Variants in ADAMTS10 observed in about 807,000 individuals in gnomAD.
ADAMTS10 encodes ADAM metallopeptidase with thrombospondin type 1 motif 10.
Under a neutral mutation model 135.9 loss-of-function variants are expected in ADAMTS10, and 48 were observed. The ratio of observed to expected loss-of-function variants is 0.35; its 90% CI spans 0.28 to 0.45. The LOEUF (loss-of-function observed/expected upper bound fraction) is 0.45, where lower values mean the gene tolerates loss of function less well. ADAMTS10 is among the 20% of genes least tolerant of loss of function. ADAMTS10 has a pLI of 1.00. For missense variants in ADAMTS10, 1,131 were observed against 1,565.2 expected (o/e 0.72, Z 4.68); for synonymous variants, 621 against 647.5 (o/e 0.96, Z 0.62).
chr19:8,583,470 G>A (rs2042380828), intron 25 of ADAMTS10, among the ~76,000 whole-genome samples: 1 of 152,056 alleles, frequency 6.6e-6, no homozygotes, highest in Non-Finnish European at 1.5e-5. Flanking sequence ...GTACCCAGGA[G>A]GTGGAGGTTG....
At chr19:8,592,640 T>G (rs1342841743) in intron 13 of ADAMTS10, 123 bp downstream of exon 13, 3 of 1,000,100 alleles carry the variant, frequency 3.0e-6, no homozygotes, top group Non-Finnish European at 4.5e-6. Flanking sequence ...GGAGCACAAA[T>G]GGCGGGCGTG....
intron 4 of ADAMTS10, 94 bp downstream of exon 4, chr19:8,604,918 C>T: frequency 7.4e-7 from 1 of 1,354,876 alleles, no homozygotes; most frequent in African/African-American, 1.5e-5. Context: ...AAACATCCCA[C>T]TATCATTCCT....
chr19:8,597,209 G>A (rs782277006), intron 7 of ADAMTS10, 25 bp downstream of exon 7: 6 of 1,614,026 alleles, frequency 3.7e-6, no homozygotes, highest in Middle Eastern at 1.6e-4. Flanking sequence ...GAAGGGGAAG[G>A]GGAAGGGGAG....
rs868925036 is a variant in ADAMTS10, at chr19:8,596,567, G to A, written c.1059C>T (p.Tyr353=). The change falls in exon 9 of 26, where the codon TAC becomes TAT. Residue 353 remains tyrosine, a synonymous_variant. Transcript: ENST00000597188. This position sits in a 1 kb window ranked among gnomAD's most constrained non-coding sequence, Gnocchi z 7.2. ...VLITRYDICI[Y]KNKPCGTLGL... ...CTAGTGTGCCGCAGGGTTTGTTCTT[G>A]TAGATGCAGATGTCATAGCTGTAAA... 2 of 1,613,600 alleles carry A rather than the reference G, an allele frequency of 1.2e-6. No individual in the cohort carries two copies. The highest frequency in any genetic ancestry group is 1.8e-4 in the Middle Eastern group (1 of 5,650).
Position 8,601,362 on chromosome 19 carries a change from CTTTTTTTT to C in ADAMTS10, c.593-225_593-218del, listed in dbSNP as rs373213602. Among the ~76,000 whole-genome samples the C allele has an allele frequency of 7.3e-6, 1 of 136,882 alleles. No homozygotes were observed. The highest frequency in any genetic ancestry group is 7.3e-5 in the Admixed American group (1 of 13,668). 89.8% of individuals were successfully genotyped at this position (136,882 alleles called of 152,430 possible). A position where few individuals can be genotyped will look rare whatever the true frequency, so the allele number is the denominator to read the frequency against. On this transcript the variant is annotated intron_variant, in intron 5 of 25. Transcript: ENST00000597188. The surrounding 1 kb of genome is among the most constrained non-coding windows in gnomAD (Gnocchi z 4.6). ...CAAACACCTCATCGTTTTTCTTATT[CTTTTTTTT>C]TTTTTTTTTGAGACGGAGTATCATT... is the stretch of plus-strand genomic sequence containing the variant.
chr19:8,584,222 G>A (rs1428567914), intron 25 of ADAMTS10, among the ~76,000 whole-genome samples: 5 of 150,598 alleles, frequency 3.3e-5, no homozygotes, highest in Non-Finnish European at 7.4e-5. Context: ...AAAAAAATGT[G>A]TATACTTAAA....
chr19:8,597,104 C>T lies in ADAMTS10; in HGVS notation c.923G>A (p.Gly308Glu). 6.2e-7 allele frequency: 1 copy of T among 1,614,132 alleles called. No homozygotes were observed. The highest frequency in any genetic ancestry group is 8.5e-7 in the Non-Finnish European group (1 of 1,180,042). The change falls in exon 8 of 26, where the codon GGG becomes GAG. Residue 308 changes from glycine (G) to glutamate (E), a missense_variant. Gly to Glu is a moderately conservative substitution (Grantham distance 98). Coordinates refer to ENST00000597188, the MANE Select transcript of ADAMTS10 (RefSeq NM_030957.4). Reference protein sequence around the residue: ...QPTLEITHHAGKSLDSFCKWQ... With the variant: ...QPTLEITHHAEKSLDSFCKWQ... ...CTTACAGAAGCTGTCCAGGGACTTC[C>T]CGGCATGGTGGGTGATCTCCAGAGT...
In ADAMTS10 at chr19:8,580,478, C is replaced by T. The variant is rs976516806; in HGVS notation, c.*415G>A. 4 of 168,996 alleles carry T rather than the reference C, an allele frequency of 2.4e-5. No homozygotes were observed. The highest frequency in any genetic ancestry group is 1.2e-4 in the South Asian group (1 of 8,656). 10.5% of individuals were successfully genotyped at this position (168,996 alleles called of 1,614,324 possible). On this transcript the variant is annotated 3_prime_UTR_variant, in exon 26 of 26. Transcript: ENST00000597188. ...AGCAGACACAGATTCCCCCCCAGCT[C>T]GGAGTGGAGGGGTAGGGCAGTGCTG... is the stretch of plus-strand genomic sequence containing the variant.
At chr19:8,599,541 G>A (rs2042640475) in intron 6 of ADAMTS10, among the ~76,000 whole-genome samples, 1 of 152,012 alleles carries the variant, frequency 6.6e-6, no homozygotes, top group African/African-American at 2.4e-5. Context: ...ATGTTAGCCA[G>A]GCTGGTCTTG....
chr19:8,605,913 C>T lies in ADAMTS10; in HGVS notation c.-99-104G>A. On this transcript the variant is annotated intron_variant, in intron 2 of 25. Transcript: ENST00000597188. The surrounding 1 kb of genome is among the most constrained non-coding windows in gnomAD (Gnocchi z 7.7). ...AGCTTTTCACCTGACTCTGAAGATT[C>T]TGAATGCATTTTCTCACTCAGTCAC... 8.8e-7 allele frequency: 1 copy of T among 1,137,834 alleles called. No individual in the cohort carries two copies. Among genetic ancestry groups the T allele is most frequent in the Non-Finnish European group, 1.2e-6 (1 of 828,982 alleles). 70.5% of individuals were successfully genotyped at this position (1,137,834 alleles called of 1,614,324 possible).
Position 8,605,241 on chromosome 19 carries a change from C to T in ADAMTS10, c.206G>A (p.Gly69Glu). 6.2e-7 allele frequency: 1 copy of T among 1,613,356 alleles called. No individual in the cohort carries two copies. ...GAAGAGGCGGGACTCGGCTGTGGCC[C>T]CCGTGCCGCGGCGCTGCCTCCGGGG... The part of the protein sequence containing the change: ...PPPRRQRRGT[G>E]ATAESRLFYK... The change falls in exon 4 of 26, where the codon GGG (glycine) becomes GAG (glutamate). Residue 69 changes from glycine (G) to glutamate (E), a missense_variant. Physicochemically the swap from Gly to Glu is moderately conservative, Grantham distance 98. This residue lies in a region of ADAMTS10 where 306 missense variants were observed against 344.4 expected (regional missense o/e 0.89). Transcript: ENST00000597188. This position sits in a 1 kb window ranked among gnomAD's most constrained non-coding sequence, Gnocchi z 7.7.
At position 8,580,878 on chromosome 19, in the gene ADAMTS10, G is replaced by A; in HGVS notation, c.*15C>T. On this transcript the variant is annotated 3_prime_UTR_variant, in exon 26 of 26. Coordinates refer to ENST00000597188, the MANE Select transcript of ADAMTS10 (RefSeq NM_030957.4). ...GGAGACCCCGCCAGCTGTGGCTCCGGGTGCCGCGCGCCCCCTAGTGGCCAT... is the reference window on the plus strand; with the variant it reads ...GGAGACCCCGCCAGCTGTGGCTCCGAGTGCCGCGCGCCCCCTAGTGGCCAT... 1 of 1,586,196 alleles carries A rather than the reference G, an allele frequency of 6.3e-7. No homozygotes were observed. Among genetic ancestry groups the A allele is most frequent in the Non-Finnish European group, 8.6e-7 (1 of 1,164,936 alleles).
intron 12 of ADAMTS10, among the ~76,000 whole-genome samples, chr19:8,594,691 G>A (rs1003365331): frequency 3.3e-5 from 5 of 152,140 alleles, no homozygotes; most frequent in East Asian, 1.9e-4. Context: ...CCTCTGTAAC[G>A]TGGGGGCTAG....
chr19:8,602,114 A>G (rs2042674744), intron 5 of ADAMTS10, among the ~76,000 whole-genome samples: 1 of 152,156 alleles, frequency 6.6e-6, no homozygotes, highest in African/African-American at 2.4e-5. Context: ...TTCTAACTGC[A>G]TTGCAGTTAG....
At position 8,605,271 on chromosome 19, in the gene ADAMTS10, G is replaced by A. The variant is rs1489584461; in HGVS notation, c.176C>T (p.Pro59Leu). 1.9e-6 allele frequency: 3 copies of A among 1,612,764 alleles called. No individual in the cohort carries two copies. Among genetic ancestry groups the A allele is most frequent in the East Asian group, 4.5e-5 (2 of 44,866 alleles). The change falls in exon 4 of 26, where the codon CCT becomes CTT. Residue 59 changes from proline to leucine, a missense_variant. Transcript: ENST00000597188. This position sits in a 1 kb window ranked among gnomAD's most constrained non-coding sequence, Gnocchi z 7.7. ...HNGALLAFSP[P>L]PPRRQRRGTG... ...GCCGCGGCGCTGCCTCCGGGGAGGAGGTGGCGAGAAGGCCAGCAGTGCCCC... is the reference window on the plus strand; with the variant it reads ...GCCGCGGCGCTGCCTCCGGGGAGGAAGTGGCGAGAAGGCCAGCAGTGCCCC...
At chr19:8,589,132 GC>G (rs1401049066) in intron 18 of ADAMTS10, 109 bp downstream of exon 18, 6 of 1,563,878 alleles carry the variant, frequency 3.8e-6, no homozygotes, top group Admixed American at 1.7e-5. Context: ...ACTCCACGGG[GC>G]CCCTGGGGTC....
chr19:8,602,517 C>T (rs1015265480), intron 5 of ADAMTS10, among the ~76,000 whole-genome samples: 2 of 152,030 alleles, frequency 1.3e-5, no homozygotes, highest in South Asian at 4.1e-4. Context: ...GACGGGGTTT[C>T]GCCATGTTGG....
intron 25 of ADAMTS10, among the ~76,000 whole-genome samples, chr19:8,584,287 A>G (rs2042394062): frequency 6.6e-6 from 1 of 152,118 alleles, no homozygotes; most frequent in Non-Finnish European, 1.5e-5. Context: ...ACATTGGGCA[A>G]TGTCTGGAGA....
At chr19:8,591,162 A>G (rs1555738796) in intron 15 of ADAMTS10, among the ~76,000 whole-genome samples, 2 of 152,128 alleles carry the variant, frequency 1.3e-5, no homozygotes, top group Admixed American at 6.6e-5. Flanking sequence ...GGGGGATGAC[A>G]GAAGGCAGGG....
Sources: allele counts gnomAD v4.1 joint callset (sites outside exome capture counted in the v4.1 genomes callset), GRCh38; gene constraint gnomAD v4.1.1; regional missense constraint gnomAD v4.1.1; non-coding constraint Gnocchi (gnomAD v3.1); transcripts MANE v1.5; gene names NCBI Gene and HGNC (gene_info 2026-07-23, HGNC 2026-07-21).